Variants in ATG10 observed in about 807,000 individuals in gnomAD.
ATG10 encodes autophagy related 10.
ATG10 carries 30 observed loss-of-function variants against 32.1 expected under a neutral mutation model. That is an observed-to-expected ratio of 0.94 (90% CI 0.70 to 1.27). The LOEUF (loss-of-function observed/expected upper bound fraction) is 1.27, where lower values mean the gene tolerates loss of function less well. Among genes scored for constraint, ATG10 ranks in the 50% most tolerant of loss-of-function variants. The pLI, the probability that ATG10 is intolerant of heterozygous loss-of-function variation, is 0.00. For synonymous variants in ATG10, 87 were observed against 91.5 expected (o/e 0.95, Z 0.28); for missense variants, 233 against 262.3 (o/e 0.89, Z 0.77).
At chr5:82,140,030 C>T (rs1767015904) in intron 3 of ATG10, among the ~76,000 whole-genome samples, 2 of 133,070 alleles carry the variant, frequency 1.5e-5, no homozygotes, top group Non-Finnish European at 1.7e-5. Flanking sequence ...TGAGGAGCCC[C>T]TCTGCCCGGC....
intron 3 of ATG10, among the ~76,000 whole-genome samples, chr5:82,113,639 C>T (rs963867324): frequency 6.6e-6 from 1 of 151,912 alleles, no homozygotes; most frequent in Non-Finnish European, 1.5e-5. Context: ...AGCAGGCCTT[C>T]CTCTAAGAAT....
At chr5:82,048,776 C>T (rs913835628) in intron 2 of ATG10, among the ~76,000 whole-genome samples, 42 of 152,210 alleles carry the variant, frequency 2.8e-4, no homozygotes, top group Non-Finnish European at 5.6e-4. Context: ...GACATTTATG[C>T]AGCCAAAAGC....
At chr5:82,066,756 C>G (rs1046243823) in intron 3 of ATG10, among the ~76,000 whole-genome samples, 1 of 152,066 alleles carries the variant, frequency 6.6e-6, no homozygotes, top group Non-Finnish European at 1.5e-5. Context: ...TAGGTGGCTT[C>G]TAGGATGAGT....
chr5:82,121,192 G>T (rs1279450658), intron 3 of ATG10, among the ~76,000 whole-genome samples: 1 of 152,120 alleles, frequency 6.6e-6, no homozygotes, highest in African/African-American at 2.4e-5. Context: ...TCCTGAGGTG[G>T]TCATAGATAG....
intron 3 of ATG10, among the ~76,000 whole-genome samples, chr5:82,109,484 G>A (rs1765544554): frequency 6.6e-6 from 1 of 151,950 alleles, no homozygotes. Context: ...ATCCAAGAGA[G>A]TTGTTTGTGG....
chr5:82,090,484 T>G (rs1047085606), intron 3 of ATG10, among the ~76,000 whole-genome samples: 1 of 152,226 alleles, frequency 6.6e-6, no homozygotes, highest in Non-Finnish European at 1.5e-5. Flanking sequence ...AGAATGATGC[T>G]GAATGAATAG....
rs537850814 is a variant in ATG10, at chr5:82,023,009, T to A, written c.108+35331T>A. Among the ~76,000 whole-genome samples, 55 of 148,730 alleles carry A rather than the reference T, an allele frequency of 3.7e-4. No homozygotes were observed. In the South Asian group the frequency reaches 8.0e-3, roughly 22 times the overall value. ...TATGTATATATACACACACATAAAA[T>A]ATATATATATATATGTATGTATATA... On this transcript the variant is annotated intron_variant, in intron 2 of 7. Coordinates refer to ENST00000282185, the MANE Select transcript of ATG10 (RefSeq NM_031482.5).
intron 5 of ATG10, among the ~76,000 whole-genome samples, chr5:82,179,147 T>C (rs1240458600): frequency 6.6e-6 from 1 of 152,142 alleles, no homozygotes; most frequent in Non-Finnish European, 1.5e-5. Context: ...AGAATGGTTG[T>C]ATAGGTATCA....
At chr5:82,086,068 A>T (rs1398340690) in intron 3 of ATG10, among the ~76,000 whole-genome samples, 1 of 152,166 alleles carries the variant, frequency 6.6e-6, no homozygotes, top group Non-Finnish European at 1.5e-5. Context: ...AACTGGGTCA[A>T]TGATAGATTC....
At chr5:82,195,595 T>C (rs1041194597) in intron 5 of ATG10, among the ~76,000 whole-genome samples, 2 of 152,160 alleles carry the variant, frequency 1.3e-5, no homozygotes, top group Admixed American at 1.3e-4. Context: ...CTCTATAGAG[T>C]TGCTTATTCT....
rs542090068 is a variant in ATG10 at position 82,162,857 on chromosome 5, G to A, written c.217-1542G>A. On this transcript the variant is annotated intron_variant, in intron 3 of 7. Coordinates refer to ENST00000282185, the MANE Select transcript of ATG10 (RefSeq NM_031482.5). ...GGGCGGGGGTGGGGAGGAGGTGTGTGTGTGTCTATGTGTGTATATGTATTT... is the reference window on the plus strand; with the variant it reads ...GGGCGGGGGTGGGGAGGAGGTGTGTATGTGTCTATGTGTGTATATGTATTT... Among the ~76,000 whole-genome samples the A allele has an allele frequency of 1.1e-4, 16 of 151,518 alleles. No homozygotes were observed. In the South Asian group the frequency reaches 3.1e-3, roughly 30 times the overall value.
chr5:82,119,725 T>G (rs1272333431), intron 3 of ATG10, among the ~76,000 whole-genome samples: 1 of 152,166 alleles, frequency 6.6e-6, no homozygotes, highest in East Asian at 1.9e-4. Context: ...CCTCCCAAAG[T>G]GCTGGGATTA....
chr5:82,143,111 A>C (rs1422186881), intron 3 of ATG10, among the ~76,000 whole-genome samples: 1 of 152,206 alleles, frequency 6.6e-6, no homozygotes, highest in Non-Finnish European at 1.5e-5. Context: ...ATAGAAGTGA[A>C]TGAGGAGTGA....
chr5:82,179,976 A>C (rs1744171762), intron 5 of ATG10, among the ~76,000 whole-genome samples: 1 of 152,106 alleles, frequency 6.6e-6, no homozygotes, highest in South Asian at 2.1e-4. Context: ...TCCTAGATCA[A>C]GCCCTCTGAC....
intron 3 of ATG10, among the ~76,000 whole-genome samples, chr5:82,114,385 C>G (rs140620057): frequency 1.3e-5 from 2 of 151,962 alleles, no homozygotes; most frequent in South Asian, 2.1e-4. Context: ...CTCATCTTCT[C>G]TACTGTGAGG....
At chr5:82,184,171 C>T (rs993497351) in intron 5 of ATG10, among the ~76,000 whole-genome samples, 1 of 152,134 alleles carries the variant, frequency 6.6e-6, no homozygotes, top group African/African-American at 2.4e-5. Context: ...CCACCACTTA[C>T]TAGCTGCATG....
intron 3 of ATG10, among the ~76,000 whole-genome samples, chr5:82,157,160 G>A (rs1767830673): frequency 6.6e-6 from 1 of 152,134 alleles, no homozygotes; most frequent in Non-Finnish European, 1.5e-5. Context: ...CCTCTCAGTG[G>A]GAACCCACGT....
At chr5:81,979,256 G>C (rs141709664) in intron 1 of ATG10, among the ~76,000 whole-genome samples, 2 of 152,086 alleles carry the variant, frequency 1.3e-5, no homozygotes, top group East Asian at 3.9e-4. Context: ...GGCTGGGCAC[G>C]GTGGCTCACA....
intron 3 of ATG10, among the ~76,000 whole-genome samples, chr5:82,060,319 C>T (rs988630657): frequency 1.3e-5 from 2 of 152,112 alleles, no homozygotes; most frequent in Non-Finnish European, 2.9e-5. Context: ...ATATGTTGAT[C>T]CCTCTGTCTA....
Sources: gnomAD v4.1 joint callset for allele counts (sites outside exome capture counted in the v4.1 genomes callset) on GRCh38, gnomAD v4.1.1 for gene constraint, MANE v1.5 for transcripts, NCBI Gene and HGNC (gene_info 2026-07-23, HGNC 2026-07-21) for gene names.